Variants in ARHGEF37 observed in about 807,000 individuals in gnomAD.
ARHGEF37 encodes the protein Rho guanine nucleotide exchange factor (GEF) 37.
ARHGEF37 carries 55 observed loss-of-function variants against 71.1 expected under a neutral mutation model. The observed-to-expected ratio is 0.77, with a 90% confidence interval of 0.62 to 0.97. The LOEUF (loss-of-function observed/expected upper bound fraction) is 0.97. ARHGEF37 is among the 50% of genes least tolerant of loss of function. The pLI is 0.00. For missense variants in ARHGEF37, 765 were observed against 836.8 expected (o/e 0.91, Z 1.06); for synonymous variants, 327 against 350.6 (o/e 0.93, Z 0.75).
chr5:149,620,145 T>C (rs948381240), intron 7 of ARHGEF37, among the ~76,000 whole-genome samples: 4 of 151,908 alleles, frequency 2.6e-5, no homozygotes, highest in African/African-American at 7.3e-5. Context: ...CAAGAAGCAC[T>C]GGAATGAGGA....
intron 2 of ARHGEF37, among the ~76,000 whole-genome samples, chr5:149,598,371 C>A (rs1402777015): frequency 9.1e-6 from 1 of 109,654 alleles, no homozygotes; most frequent in Non-Finnish European, 2.0e-5. Context: ...TCCTCTTCTT[C>A]CTCTTCCTCT....
upstream of ARHGEF37, chr5:149,551,823 T>C (rs1165181854): frequency 6.9e-6 from 1 of 145,720 alleles, no homozygotes; most frequent in Non-Finnish European, 1.5e-5. Context: ...ACCTTTGATC[T>C]TTCTTCTGGC....
rs528100482 is a variant in ARHGEF37 at position 149,604,676 on chromosome 5, A to ATTT, written c.310+3467_310+3469dup. Among the ~76,000 whole-genome samples the ATTT allele has an allele frequency of 2.3e-3, 212 of 91,698 alleles. 5 individuals are homozygous for ATTT. Among genetic ancestry groups the ATTT allele is most frequent in the African/African-American group, 8.1e-3 (187 of 23,066 alleles). 60.2% of individuals were successfully genotyped at this position (91,698 alleles called of 152,430 possible). ...CTTTTCCCAGTAAGGCAGCAACACCATTTTTTTTTTTTTTTTTTTTTTTTG... is the reference window on the plus strand; with the variant it reads ...CTTTTCCCAGTAAGGCAGCAACACCATTTTTTTTTTTTTTTTTTTTTTTTTTTG... On this transcript the variant is annotated intron_variant, in intron 3 of 12. Coordinates refer to ENST00000333677, the MANE Select transcript of ARHGEF37 (RefSeq NM_001001669.3).
At chr5:149,597,979 A>G in intron 2 of ARHGEF37, 24 bp downstream of exon 2, 2 of 1,544,276 alleles carry the variant, frequency 1.3e-6, no homozygotes, top group Non-Finnish European at 1.7e-6. Context: ...GTCACACACA[A>G]CCTGTCTTTA....
rs147671191 is a variant in ARHGEF37, at chr5:149,561,466, A to G, written c.-12+9343A>G. 2.2e-3 allele frequency among the ~76,000 whole-genome samples: 338 copies of G among 152,258 alleles called. 1 individual carries two copies. In the Middle Eastern group the frequency reaches 0.031, roughly 14 times the overall value. On this transcript the variant is annotated intron_variant, in intron 1 of 2. Coordinates refer to the ARHGEF37 transcript ENST00000505810. Reference sequence around the variant, plus strand: ...CAACGTAGTCTAATCCTTGGCAAAGAGTTACTGTGAAATAATGCCGGAGGC... The same window carrying G: ...CAACGTAGTCTAATCCTTGGCAAAGGGTTACTGTGAAATAATGCCGGAGGC...
At chr5:149,626,249 C>T (rs1752680983) in intron 10 of ARHGEF37, among the ~76,000 whole-genome samples, 1 of 110,092 alleles carries the variant, frequency 9.1e-6, no homozygotes, top group South Asian at 2.4e-4. Flanking sequence ...TGAACACACA[C>T]ACACACACAC....
chr5:149,628,781 G>A (rs746455365), intron 11 of ARHGEF37, 28 bp from the exon 12 acceptor site: 5 of 1,596,112 alleles, frequency 3.1e-6, no homozygotes, highest in Non-Finnish European at 4.3e-6. Context: ...GTGGCCCGCA[G>A]CCTGCTAACC....
chr5:149,598,765 G>GATATATAGATATAGATATATAGAT, intron 2 of ARHGEF37, among the ~76,000 whole-genome samples: 1 of 140,220 alleles, frequency 7.1e-6, no homozygotes, highest in African/African-American at 2.8e-5. Flanking sequence ...TATAGATATA[G>GATATATAGATATAGATATATAGAT]ATATAGATAT....
intron 1 of ARHGEF37, among the ~76,000 whole-genome samples, chr5:149,583,131 G>A (rs1274790034): frequency 6.6e-6 from 1 of 152,044 alleles, no homozygotes; most frequent in Non-Finnish European, 1.5e-5. Flanking sequence ...TTTTTTTGTT[G>A]TTGTTTTTTC....
At chr5:149,630,683 CG>C (rs1248398927) in intron 12 of ARHGEF37, among the ~76,000 whole-genome samples, 1 of 152,176 alleles carries the variant, frequency 6.6e-6, no homozygotes, top group African/African-American at 2.4e-5. Flanking sequence ...AGGTTACCCC[CG>C]CCGCCCAGCT....
upstream of ARHGEF37, among the ~76,000 whole-genome samples, chr5:149,579,990 G>A (rs766994896): frequency 6.6e-6 from 1 of 152,186 alleles, no homozygotes; most frequent in Non-Finnish European, 1.5e-5. Flanking sequence ...TGGCCTCTAA[G>A]ATCATACAGG....
intron 1 of ARHGEF37, among the ~76,000 whole-genome samples, chr5:149,552,451 C>T: frequency 6.6e-6 from 1 of 152,028 alleles, no homozygotes. Flanking sequence ...ATAATGTTCA[C>T]GAAAGAAAAC....
At chr5:149,559,036 A>C (rs1762793067) in intron 1 of ARHGEF37, among the ~76,000 whole-genome samples, 1 of 152,132 alleles carries the variant, frequency 6.6e-6, no homozygotes, top group Admixed American at 6.6e-5. Flanking sequence ...AAATTTGCAA[A>C]AACTGGCCAG....
intron 1 of ARHGEF37, among the ~76,000 whole-genome samples, chr5:149,559,499 C>T (rs901221335): frequency 3.9e-5 from 6 of 152,168 alleles, no homozygotes; most frequent in African/African-American, 1.2e-4. Flanking sequence ...AACCAATCCT[C>T]GTTGAGTATT....
At chr5:149,579,679 T>C (rs1341141904), upstream of ARHGEF37, among the ~76,000 whole-genome samples, 1 of 152,098 alleles carries the variant, frequency 6.6e-6, no homozygotes, top group Non-Finnish European at 1.5e-5. Context: ...CCTCCAGTGC[T>C]CAAGCAATTC....
chr5:149,562,036 G>A (rs539164828), intron 1 of ARHGEF37, among the ~76,000 whole-genome samples: 19 of 152,150 alleles, frequency 1.2e-4, no homozygotes, highest in Non-Finnish European at 2.4e-4. Context: ...TTCCTGAGGA[G>A]AGCTGGTCCT....
Position 149,624,177 on chromosome 5 carries a change from T to A in ARHGEF37, c.1464+37T>A, listed in dbSNP as rs369265289. 31 of 1,581,264 alleles carry A rather than the reference T, an allele frequency of 2.0e-5. No individual in the cohort carries two copies. The African/African-American group carries it at 4.0e-4, about 21-fold the overall frequency. On this transcript the variant is annotated intron_variant, in intron 10 of 12. Coordinates refer to ENST00000333677, the MANE Select transcript of ARHGEF37 (RefSeq NM_001001669.3). ...TCCTCCACCCCAAAGACTGTCCAGT[T>A]CTTCACTGGCCAGTAGGGTGAGGCT... is the stretch of plus-strand genomic sequence containing the variant.
chr5:149,599,281 G>A (rs937401183), intron 2 of ARHGEF37, among the ~76,000 whole-genome samples: 1 of 152,170 alleles, frequency 6.6e-6, no homozygotes, highest in African/African-American at 2.4e-5. Flanking sequence ...CCGAAGACAG[G>A]TGTCATGGAC....
At position 149,621,679 on chromosome 5, in the gene ARHGEF37, C is replaced by T. The variant is rs1242983944; in HGVS notation, c.1006-54C>T. The T allele has an allele frequency of 2.6e-6, 4 of 1,528,206 alleles. No homozygotes were observed. In the East Asian group the frequency reaches 9.0e-5, roughly 34 times the overall value. The allele number at this position is 1,528,206 out of a possible 1,614,324, so 94.7% of individuals were successfully genotyped here. On this transcript the variant is annotated intron_variant, in intron 8 of 12. Transcript: ENST00000333677. The stretch of plus-strand genomic sequence containing the variant: ...ATGCTTCCAAAGCCCCTTCTCACAG[C>T]CCCTGCCCTTTGCCACCTCCTTTCC...
Sources: allele counts gnomAD v4.1 joint callset (sites outside exome capture counted in the v4.1 genomes callset), GRCh38; gene constraint gnomAD v4.1.1; transcripts MANE v1.5; gene names NCBI Gene and HGNC (gene_info 2026-07-23, HGNC 2026-07-21).